The following FCRLA variants were observed in gnomAD, a reference collection of about 807,000 sequenced individuals.
FCRLA encodes Fc receptor-like A.
Under a neutral mutation model 28.4 loss-of-function variants are expected in FCRLA, and 26 were observed. That is an observed-to-expected ratio of 0.91 (90% CI 0.67 to 1.27). FCRLA has a LOEUF of 1.27. Ranked by LOEUF, FCRLA falls within the 50% of genes most tolerant of loss-of-function variation. The pLI, the probability that FCRLA is intolerant of heterozygous loss-of-function variation, is 0.00. For synonymous variants in FCRLA, 174 were observed against 168.5 expected (o/e 1.03, Z -0.25); for missense variants, 422 against 433.1 (o/e 0.97, Z 0.23).
chr1:161,710,699 G>C lies in FCRLA; in HGVS notation c.80-61G>C, dbSNP rs1407102674. On this transcript the variant is annotated intron_variant, in intron 1 of 4. Transcript: ENST00000236938. ...TTATCCTGGGAGATGGAGGAACCCT[G>C]TCCTCTTTCTCCAAGTTGCATCATC... is the stretch of plus-strand genomic sequence containing the variant. The C allele has an allele frequency of 1.9e-6, 3 of 1,597,962 alleles. No homozygotes were observed. The South Asian group carries it at 3.3e-5, about 18-fold the overall frequency.
Position 161,711,475 on chromosome 1 carries a change from G to C in FCRLA, c.499+1G>C, listed in dbSNP as rs745824269. ...TCTGTTGTGGCTATCACAGTCCAAG[G>C]TGAGAGCTAGAAGCAGCATTGTCAT... On this transcript the variant is annotated splice_donor_variant, in intron 3 of 4. Coordinates refer to ENST00000236938, the MANE Select transcript of FCRLA (RefSeq NM_032738.4). LOFTEE classifies it high-confidence loss of function. The C allele has an allele frequency of 8.1e-6, 13 of 1,610,798 alleles. No individual in the cohort carries two copies. Among genetic ancestry groups the C allele is most frequent in the African/African-American group, 1.3e-5 (1 of 74,890 alleles).
intron 1 of FCRLA, among the ~76,000 whole-genome samples, 185 bp downstream of exon 1, chr1:161,707,528 C>A (rs952494638): frequency 6.6e-6 from 1 of 152,234 alleles, no homozygotes; most frequent in Non-Finnish European, 1.5e-5. Context: ...ATATAAAAAT[C>A]TTCCATCCTG....
rs947913640 is a variant in FCRLA at position 161,711,309 on chromosome 1, T to G, written c.334T>G (p.Phe112Val). 6.2e-7 allele frequency: 1 copy of G among 1,614,160 alleles called. No homozygotes were observed. Residue 112 changes from phenylalanine (F) to valine (V), a missense_variant, in exon 3 of 5, where the codon TTC (phenylalanine) becomes GTC (valine). Coordinates refer to ENST00000236938, the MANE Select transcript of FCRLA (RefSeq NM_032738.4). Reference sequence around the variant, plus strand: ...AGACTGGCCACTGACTCAGGTGACCTTCTACCGAGATGGCTCAGCTCTGGG... The same window carrying G: ...AGACTGGCCACTGACTCAGGTGACCGTCTACCGAGATGGCTCAGCTCTGGG... ...WQDWPLTQVT[F>V]YRDGSALGPP...
At chr1:161,708,732 C>T (rs139898237) in intron 1 of FCRLA, among the ~76,000 whole-genome samples, 14 of 152,288 alleles carry the variant, frequency 9.2e-5, no homozygotes, top group African/African-American at 3.1e-4. Context: ...TGTGTAGGTA[C>T]CCCTAAAGAC....
intron 1 of FCRLA, 136 bp downstream of exon 1, chr1:161,707,479 A>G: frequency 2.0e-6 from 2 of 975,850 alleles, no homozygotes; most frequent in Non-Finnish European, 2.9e-6. Context: ...AAGGGTAGGT[A>G]TAAGAAAGTT....
rs1683062415 is a variant in FCRLA at position 161,710,854 on chromosome 1, T to C, written c.174T>C (p.Ala58=). Residue 58 remains alanine (A), a synonymous_variant, in exon 2 of 5, where the codon GCT becomes GCC. Transcript: ENST00000236938. ...TEDDLTDARE[A]GFQVKAYTFS... ...ATGACTTGACTGATGCAAGGGAAGC[T>C]GGCTTCCAGGTCAAGGCCTACACTT... The C allele has an allele frequency of 6.2e-7, 1 of 1,613,816 alleles. No homozygotes were observed. The highest frequency in any genetic ancestry group is 1.3e-5 in the African/African-American group (1 of 74,930).
Position 161,710,899 on chromosome 1 carries a change from G to C in FCRLA, c.219G>C (p.Leu73=). ...KAYTFSEPFH[L]IVSYDWLILQ... is the part of the protein sequence containing the mutation. ...ACACTTTCAGTGAACCCTTCCACCT[G>C]ATTGTGTCCTATGGTGAGGTCCTGG... The change falls in exon 2 of 5, where the codon CTG becomes CTC. Residue 73 remains leucine (L), a synonymous_variant. Coordinates refer to ENST00000236938, the MANE Select transcript of FCRLA (RefSeq NM_032738.4). 1 of 1,613,078 alleles carries C rather than the reference G, an allele frequency of 6.2e-7. No homozygotes were observed. Among genetic ancestry groups the C allele is most frequent in the East Asian group, 2.2e-5 (1 of 44,880 alleles).
chr1:161,709,940 T>C (rs941939419), intron 1 of FCRLA, among the ~76,000 whole-genome samples: 1 of 152,106 alleles, frequency 6.6e-6, no homozygotes, highest in Non-Finnish European at 1.5e-5. Flanking sequence ...GAAAGCTCTG[T>C]GCCACTGCCA....
chr1:161,710,725 AT>A, intron 1 of FCRLA, 34 bp from the exon 2 acceptor site: 2 of 1,613,786 alleles, frequency 1.2e-6, no homozygotes, highest in Non-Finnish European at 1.7e-6. Context: ...TTGCATCATC[AT>A]TTTCTGGTTC....
chr1:161,711,131 T>G (rs752902116), intron 2 of FCRLA, 77 bp from the exon 3 acceptor site: 2 of 1,535,862 alleles, frequency 1.3e-6, no homozygotes, highest in Non-Finnish European at 1.8e-6. Flanking sequence ...CAGAGAAAGT[T>G]TAGGGGAGTA....
At chr1:161,709,262 G>A (rs973881438) in intron 1 of FCRLA, among the ~76,000 whole-genome samples, 4 of 151,862 alleles carry the variant, frequency 2.6e-5, no homozygotes, top group African/African-American at 9.7e-5. Context: ...CAAGTAGCTG[G>A]GACCACAGGC....
chr1:161,712,961 C>T, intron 4 of FCRLA, 124 bp from the exon 5 acceptor site: 2 of 1,103,052 alleles, frequency 1.8e-6, no homozygotes. Flanking sequence ...CTAGAGTCCT[C>T]AAGTCCCTGC....
rs767657163 is a variant in FCRLA at position 161,710,498 on chromosome 1, T to C, written c.80-262T>C. ...AGCAGCTGGATGTCATGCCGGTGAG[T>C]TTCACCATTCTTTCATTCTCTCCCC... On this transcript the variant is annotated intron_variant, in intron 1 of 4. Coordinates refer to ENST00000236938, the MANE Select transcript of FCRLA (RefSeq NM_032738.4). 93 of 1,550,584 alleles carry C rather than the reference T, an allele frequency of 6.0e-5. 1 individual carries two copies. In the South Asian group the frequency reaches 1.0e-3, roughly 17 times the overall value.
rs764922944 is a variant in FCRLA at position 161,713,168 on chromosome 1, C to T, written c.868C>T (p.Pro290Ser). ...TCCAGGAACTGCTCCTGAGGAGGCC[C>T]CTGGGCCTCTGCCTCCGCCGCCAAC... ...AAPGTAPEEA[P>S]GPLPPPPTPS... Residue 290 changes from proline to serine, a missense_variant, in exon 5 of 5, where the codon CCT becomes TCT. Transcript: ENST00000236938. 1.9e-6 allele frequency: 3 copies of T among 1,614,244 alleles called. No homozygotes were observed. The highest frequency in any genetic ancestry group is 2.2e-5 in the South Asian group (2 of 91,082).
Position 161,711,407 on chromosome 1 carries a change from T to G in FCRLA, c.432T>G (p.Ser144Arg), listed in dbSNP as rs775156996. 6.2e-7 allele frequency: 1 copy of G among 1,614,100 alleles called. No homozygotes were observed. The highest frequency in any genetic ancestry group is 1.3e-5 in the African/African-American group (1 of 74,934). The change falls in exon 3 of 5, where the codon AGT (serine) becomes AGG (arginine). Residue 144 changes from serine to arginine, a missense_variant. Ser to Arg is a moderately radical substitution (Grantham distance 110). Around this residue, in one of 3 missense-constraint regions of FCRLA, gnomAD observed 231 missense variants for 214.6 expected, o/e 1.08. Coordinates refer to ENST00000236938, the MANE Select transcript of FCRLA (RefSeq NM_032738.4). ...QKADSGHYHC[S>R]GIFQSPGPGI... is the part of the protein sequence containing the mutation. ...CAGACAGCGGGCACTACCACTGCAG[T>G]GGCATCTTCCAGAGCCCTGGTCCTG...
intron 1 of FCRLA, among the ~76,000 whole-genome samples, chr1:161,707,582 A>G (rs1195796364): frequency 6.6e-6 from 1 of 151,936 alleles, no homozygotes; most frequent in Admixed American, 6.6e-5. Context: ...TCTAATCTCA[A>G]CTCTTTTCTT....
chr1:161,709,309 A>G (rs528740466), intron 1 of FCRLA, among the ~76,000 whole-genome samples: 12 of 152,204 alleles, frequency 7.9e-5, no homozygotes, highest in African/African-American at 2.9e-4. Flanking sequence ...TTAAAAAATT[A>G]TTTGTTGAGA....
intron 1 of FCRLA, among the ~76,000 whole-genome samples, chr1:161,707,560 A>G (rs1340979): frequency 0.61 from 93,533 of 152,100 alleles, 29,166 homozygotes; most frequent in East Asian, 0.82. Flanking sequence ...TGATCATGAT[A>G]TCCTCTCTAG....
At chr1:161,711,019 C>T in intron 2 of FCRLA, 107 bp downstream of exon 2, 2 of 1,493,984 alleles carry the variant, frequency 1.3e-6, no homozygotes, top group Non-Finnish European at 1.8e-6. Flanking sequence ...GAGGTACTTC[C>T]TTCCCAGTCT....
Sources: allele counts gnomAD v4.1 joint callset (sites outside exome capture counted in the v4.1 genomes callset), GRCh38; gene constraint gnomAD v4.1.1; regional missense constraint gnomAD v4.1.1; transcripts MANE v1.5; gene names NCBI Gene and HGNC (gene_info 2026-07-23, HGNC 2026-07-21).